CBFA2T2: variants seen among roughly 807,000 people sequenced by gnomAD.
CBFA2T2 encodes CBFA2/RUNX1 partner transcriptional co-repressor 2, also known as protein CBFA2T2.
CBFA2T2 carries 11 observed loss-of-function variants against 62.2 expected under a neutral mutation model. That is an observed-to-expected ratio of 0.18 (90% CI 0.11 to 0.29). The LOEUF is 0.29. Among genes scored for constraint, CBFA2T2 ranks in the 10% least tolerant of loss-of-function variants. The probability of loss-of-function intolerance (pLI) is 1.00; values close to 1 mark genes in which losing one functional copy is unlikely to be tolerated. For missense variants in CBFA2T2, 592 were observed against 774.1 expected, an observed-to-expected ratio of 0.76 and a Z score of 2.79; for synonymous variants, 295 against 287.5, an observed-to-expected ratio of 1.03 and a Z score of -0.27.
intron 1 of CBFA2T2, among the ~76,000 whole-genome samples, chr20:33,587,440 A>T (rs1964823): frequency 6.6e-6 from 1 of 151,484 alleles, no homozygotes; most frequent in Non-Finnish European, 1.5e-5. Context: ...CTAATTTTTC[A>T]TGTTTTTGGT....
In CBFA2T2 at chr20:33,490,680, G is replaced by A. The variant is rs528283321; in HGVS notation, c.34+379G>A. On this transcript the variant is annotated intron_variant, in intron 1 of 10. Transcript: ENST00000342704. ...ACCCGCCCGATGTTGAGGGTTGGAG[G>A]AGATGAGAATGGCCCCTCGGAGGGC... 1.8e-4 allele frequency among the ~76,000 whole-genome samples: 28 copies of A among 152,372 alleles called. 1 individual carries two copies. Among genetic ancestry groups the A allele is most frequent in the African/African-American group, 6.3e-4 (26 of 41,590 alleles).
At chr20:33,491,863 G>T (rs2011149007) in intron 1 of CBFA2T2, among the ~76,000 whole-genome samples, 1 of 151,650 alleles carries the variant, frequency 6.6e-6, no homozygotes, top group African/African-American at 2.4e-5. Context: ...CACCACGCTC[G>T]GCCAATTATT....
chr20:33,581,869 T>C (rs1434953745), intron 1 of CBFA2T2, among the ~76,000 whole-genome samples: 1 of 152,184 alleles, frequency 6.6e-6, no homozygotes, highest in Non-Finnish European at 1.5e-5. Flanking sequence ...GGGACCTGTA[T>C]GTGGGCACTG....
chr20:33,519,344 C>T (rs1220723635), intron 1 of CBFA2T2, among the ~76,000 whole-genome samples: 1 of 152,094 alleles, frequency 6.6e-6, no homozygotes, highest in African/African-American at 2.4e-5. Flanking sequence ...GTGGCATATG[C>T]CTGTAATTCC....
chr20:33,519,617 A>C (rs961160983), intron 1 of CBFA2T2, among the ~76,000 whole-genome samples: 3 of 152,192 alleles, frequency 2.0e-5, no homozygotes, highest in Admixed American at 6.6e-5. Flanking sequence ...GTGGATACTC[A>C]GGGACAACTC....
chr20:33,594,381 C>G (rs2014796789), intron 1 of CBFA2T2, among the ~76,000 whole-genome samples: 1 of 152,050 alleles, frequency 6.6e-6, no homozygotes, highest in African/African-American at 2.4e-5. Flanking sequence ...GCCACCACAC[C>G]TGTCTAATTT....
At chr20:33,520,970 TCA>T (rs143080667) in intron 1 of CBFA2T2, among the ~76,000 whole-genome samples, 4,285 of 136,076 alleles carry the variant, frequency 0.031, 161 homozygotes, top group African/African-American at 0.093. Context: ...TCACCTGCCA[TCA>T]CACACACACA....
intron 4 of CBFA2T2, among the ~76,000 whole-genome samples, chr20:33,621,129 C>T (rs1029883469): frequency 3.3e-5 from 5 of 152,028 alleles, no homozygotes; most frequent in Non-Finnish European, 5.9e-5. Flanking sequence ...ATTCTATCTG[C>T]GCACCTGGAT....
rs1286500178 is a variant in CBFA2T2 at position 33,555,677 on chromosome 20, T to G, written c.35-51279T>G. Among the ~76,000 whole-genome samples, 8 of 152,296 alleles carry G rather than the reference T, an allele frequency of 5.3e-5. No individual in the cohort carries two copies. The East Asian group carries it at 9.6e-4, about 18-fold the overall frequency. ...TAACCACACATAACCACAGTACAAT[T>G]ATCAAAATCAGAAAATGTAATAATG... On this transcript the variant is annotated intron_variant, in intron 1 of 10. Transcript: ENST00000342704.
intron 10 of CBFA2T2, among the ~76,000 whole-genome samples, chr20:33,642,111 TTTTTTTGTGTG>T (rs779022458): frequency 9.4e-4 from 53 of 56,464 alleles, no homozygotes; most frequent in Middle Eastern, 0.016. Context: ...TTGTCTTTTT[TTTTTTTGTGTG>T]TGTGTGTGTG....
At chr20:33,604,662 G>C (rs1279310180) in intron 1 of CBFA2T2, among the ~76,000 whole-genome samples, 1 of 152,220 alleles carries the variant, frequency 6.6e-6, no homozygotes, top group Non-Finnish European at 1.5e-5. Context: ...ATTCTGCCAA[G>C]TGCTGACTGT....
Position 33,623,236 on chromosome 20 carries a change from C to G in CBFA2T2, c.632C>G (p.Ala211Gly), listed in dbSNP as rs2016063908. ...LLLNTSIASP[A>G]DSSELLMEVH... Reference sequence around the variant, plus strand: ...CTCAACACAAGCATTGCATCGCCTGCTGACTCGTCAGAGTTGCTCATGGAG... The same window carrying G: ...CTCAACACAAGCATTGCATCGCCTGGTGACTCGTCAGAGTTGCTCATGGAG... The change falls in exon 5 of 11, where the codon GCT becomes GGT. Residue 211 changes from alanine to glycine, a missense_variant. By Grantham distance (60) the Ala-to-Gly change is moderately conservative (BLOSUM62 0). This residue lies in a region of CBFA2T2 where 449 missense variants were observed against 551.2 expected (regional missense o/e 0.81). Transcript: ENST00000342704. 6.2e-7 allele frequency: 1 copy of G among 1,614,124 alleles called. No homozygotes were observed. The highest frequency in any genetic ancestry group is 1.1e-5 in the South Asian group (1 of 91,086).
At chr20:33,603,714 T>TC (rs1006552715) in intron 1 of CBFA2T2, among the ~76,000 whole-genome samples, 3 of 152,192 alleles carry the variant, frequency 2.0e-5, no homozygotes, top group Non-Finnish European at 2.9e-5. Context: ...GAAAAGAATT[T>TC]CTTCTTCAAC....
chr20:33,514,741 A>G (rs1260342554), intron 1 of CBFA2T2, among the ~76,000 whole-genome samples: 1 of 151,842 alleles, frequency 6.6e-6, no homozygotes, highest in Non-Finnish European at 1.5e-5. Context: ...TCTGTCCTAT[A>G]GGCTGGAGTG....
intron 1 of CBFA2T2, among the ~76,000 whole-genome samples, chr20:33,547,687 ATGTGTGTGTGTGTGTG>A (rs60988030): frequency 6.5e-5 from 9 of 139,072 alleles, no homozygotes; most frequent in African/African-American, 1.4e-4. Flanking sequence ...TCTCAAAAAA[ATGTGTGTGTGTGTGTG>A]TGTGTGTGTG....
At chr20:33,624,627 C>T (rs2016142942) in intron 5 of CBFA2T2, 137 bp from the exon 6 acceptor site, 1 of 906,200 alleles carries the variant, frequency 1.1e-6, no homozygotes, top group Admixed American at 2.2e-5. Context: ...GCTCATGCCT[C>T]ATGTCACACC....
intron 1 of CBFA2T2, among the ~76,000 whole-genome samples, chr20:33,528,614 G>T (rs772522703): frequency 1.3e-5 from 2 of 152,128 alleles, no homozygotes; most frequent in African/African-American, 2.4e-5. Context: ...TGACTTACAT[G>T]CCCTTTTAAG....
intron 1 of CBFA2T2, among the ~76,000 whole-genome samples, chr20:33,528,034 G>T (rs1452263353): frequency 6.6e-6 from 1 of 151,776 alleles, no homozygotes; most frequent in Non-Finnish European, 1.5e-5. Context: ...TGAAGTGTTG[G>T]TTTTTCTTTT....
intron 1 of CBFA2T2, among the ~76,000 whole-genome samples, chr20:33,561,694 T>C (rs532441041): frequency 5.9e-5 from 9 of 152,370 alleles, no homozygotes; most frequent in African/African-American, 1.2e-4. Context: ...TTGACACTTA[T>C]ATTAGCAGTT....
Sources: allele counts gnomAD v4.1 joint callset (sites outside exome capture counted in the v4.1 genomes callset), GRCh38; gene constraint gnomAD v4.1.1; regional missense constraint gnomAD v4.1.1; transcripts MANE v1.5; gene names NCBI Gene and HGNC (gene_info 2026-07-23, HGNC 2026-07-21).